Variants in VSNL1 observed in about 807,000 individuals in gnomAD.
VSNL1 encodes visinin like 1.
In VSNL1, 6 loss-of-function variants were observed where a neutral mutation model predicts 20.4. The observed-to-expected ratio is 0.29, with a 90% CI of 0.16 to 0.58. The LOEUF (loss-of-function observed/expected upper bound fraction) is 0.58. VSNL1 is among the 20% of genes least tolerant of loss of function. VSNL1 has a pLI of 0.90. For synonymous variants in VSNL1, 93 were observed against 86.4 expected (o/e 1.08, Z -0.42); for missense variants, 100 against 234.5 (o/e 0.43, Z 3.75).
chr2:17,608,024 C>T (rs1237098326), intron 2 of VSNL1, among the ~76,000 whole-genome samples: 1 of 152,196 alleles, frequency 6.6e-6, no homozygotes, highest in Admixed American at 6.5e-5. Context: ...TGTCAATGAA[C>T]TTCCTTAAAT....
rs547678722 is a variant in VSNL1 at position 17,556,035 on chromosome 2, C to T, written c.-6+15117C>T. 3.3e-5 allele frequency among the ~76,000 whole-genome samples: 5 copies of T among 152,262 alleles called. No individual in the cohort carries two copies. In the South Asian group the frequency reaches 1.0e-3, roughly 32 times the overall value. On this transcript the variant is annotated intron_variant, in intron 1 of 3. Coordinates refer to ENST00000295156, the MANE Select transcript of VSNL1 (RefSeq NM_003385.5). ...GATGGTATTTTGACCAAGCAGAATA[C>T]CTGCCTCATTTCTTTGCCTTTTAAA... is the stretch of plus-strand genomic sequence containing the variant.
At chr2:17,593,177 A>G (rs1449823488) in intron 2 of VSNL1, among the ~76,000 whole-genome samples, 2 of 152,176 alleles carry the variant, frequency 1.3e-5, no homozygotes, top group Admixed American at 1.3e-4. Context: ...ATTTTCTATA[A>G]CCTATGATCC....
intron 1 of VSNL1, among the ~76,000 whole-genome samples, chr2:17,580,309 T>G (rs770836976): frequency 4.6e-5 from 7 of 152,116 alleles, no homozygotes; most frequent in Non-Finnish European, 7.4e-5. Flanking sequence ...TGGGGAACAT[T>G]AACATCTCTG....
intron 3 of VSNL1, among the ~76,000 whole-genome samples, chr2:17,652,330 T>A (rs761129708): frequency 1.3e-5 from 2 of 152,084 alleles, no homozygotes; most frequent in Non-Finnish European, 2.9e-5. Flanking sequence ...AAGTGAGAAG[T>A]CCTGGAAGGG....
chr2:17,620,602 T>G (rs1665332240), intron 2 of VSNL1, among the ~76,000 whole-genome samples: 1 of 152,208 alleles, frequency 6.6e-6, no homozygotes, highest in Admixed American at 6.5e-5. Context: ...CACAGTAGAA[T>G]GCAGTCATCA....
intron 1 of VSNL1, among the ~76,000 whole-genome samples, chr2:17,544,368 ACCCATTCCAGGGTATT>A (rs1465731028): frequency 1.3e-5 from 2 of 152,154 alleles, no homozygotes; most frequent in African/African-American, 4.8e-5. Flanking sequence ...CTTGCAGAAT[ACCCATTCCAGGGTATT>A]CTGAACACCA....
At chr2:17,592,689 G>C (rs1317116071) in intron 2 of VSNL1, among the ~76,000 whole-genome samples, 1 of 94,956 alleles carries the variant, frequency 1.1e-5, no homozygotes, top group Middle Eastern at 0.012. Flanking sequence ...TACCAGAAAA[G>C]ATACTCCTGT....
Position 17,656,774 on chromosome 2 carries a change from C to A in VSNL1, c.*1380C>A, listed in dbSNP as rs142422072. On this transcript the variant is annotated 3_prime_UTR_variant, in exon 4 of 4. Coordinates refer to ENST00000295156, the MANE Select transcript of VSNL1 (RefSeq NM_003385.5). ...TGGGAAGGTCTACATCTGCACAGCACGCTAGCTATAACTGCACATATGGCT... is the reference window on the plus strand; with the variant it reads ...TGGGAAGGTCTACATCTGCACAGCAAGCTAGCTATAACTGCACATATGGCT... 2.0e-5 allele frequency: 3 copies of A among 152,290 alleles called. No individual in the cohort carries two copies. The highest frequency in any genetic ancestry group is 7.2e-5 in the African/African-American group (3 of 41,538). 9.4% of individuals were successfully genotyped at this position (152,290 alleles called of 1,614,324 possible). A position where few individuals can be genotyped will look rare whatever the true frequency, so the allele number is the denominator to read the frequency against.
rs531759418 is a variant in VSNL1 at position 17,597,174 on chromosome 2, C to T, written c.162+4938C>T. 3.3e-5 allele frequency among the ~76,000 whole-genome samples: 5 copies of T among 152,266 alleles called. No individual in the cohort carries two copies. In the South Asian group the frequency reaches 1.0e-3, roughly 32 times the overall value. On this transcript the variant is annotated intron_variant, in intron 2 of 3. Coordinates refer to ENST00000295156, the MANE Select transcript of VSNL1 (RefSeq NM_003385.5). ...AGGACATACTATGAGGCAGTGTCAT[C>T]CCTATTCCCATCCTGGATTCTTAGA...
chr2:17,561,132 T>C (rs1474592352), intron 1 of VSNL1, among the ~76,000 whole-genome samples: 1 of 152,164 alleles, frequency 6.6e-6, no homozygotes, highest in African/African-American at 2.4e-5. Flanking sequence ...GACTTCTTGA[T>C]AGAGCTTATG....
intron 1 of VSNL1, among the ~76,000 whole-genome samples, chr2:17,554,671 A>G (rs779255524): frequency 3.9e-5 from 6 of 152,144 alleles, no homozygotes; most frequent in Non-Finnish European, 5.9e-5. Context: ...ACTCTATATA[A>G]CAGCTCTTAA....
At chr2:17,542,533 TAAATGGATG>T (rs1663309365) in intron 1 of VSNL1, among the ~76,000 whole-genome samples, 1 of 152,220 alleles carries the variant, frequency 6.6e-6, no homozygotes, top group Non-Finnish European at 1.5e-5. Context: ...ATAATTTATT[TAAATGGATG>T]AAATTTGTAA....
chr2:17,549,703 T>C (rs1663482778), intron 1 of VSNL1, among the ~76,000 whole-genome samples: 2 of 152,262 alleles, frequency 1.3e-5, no homozygotes, highest in South Asian at 2.1e-4. Flanking sequence ...CTCTTCGATA[T>C]TCCCAGTGCT....
chr2:17,555,276 C>T (rs1663649076), intron 1 of VSNL1, among the ~76,000 whole-genome samples: 1 of 152,182 alleles, frequency 6.6e-6, no homozygotes, highest in African/African-American at 2.4e-5. Flanking sequence ...GGCTGCATTC[C>T]TTTCCGAACT....
intron 3 of VSNL1, among the ~76,000 whole-genome samples, chr2:17,652,137 T>C (rs1173704921): frequency 6.6e-6 from 1 of 152,162 alleles, no homozygotes; most frequent in African/African-American, 2.4e-5. Context: ...GTGATACTTA[T>C]TCAGGTATTT....
At chr2:17,615,163 G>T (rs1032519794) in intron 2 of VSNL1, among the ~76,000 whole-genome samples, 1 of 151,996 alleles carries the variant, frequency 6.6e-6, no homozygotes, top group Non-Finnish European at 1.5e-5. Context: ...AGAAAGATGT[G>T]CAGAATAATC....
chr2:17,598,123 T>A (rs1463732120), intron 2 of VSNL1, among the ~76,000 whole-genome samples: 2 of 152,196 alleles, frequency 1.3e-5, no homozygotes, highest in African/African-American at 4.8e-5. Flanking sequence ...TATGAAAACA[T>A]TCTGTAATTC....
chr2:17,597,717 C>CT (rs1204048228), intron 2 of VSNL1, among the ~76,000 whole-genome samples: 2 of 152,144 alleles, frequency 1.3e-5, no homozygotes, highest in Non-Finnish European at 2.9e-5. Context: ...TAAGAGCAGG[C>CT]TTATCCATTG....
chr2:17,553,498 A>G (rs1471687355), intron 1 of VSNL1, among the ~76,000 whole-genome samples: 3 of 152,210 alleles, frequency 2.0e-5, no homozygotes, highest in Admixed American at 1.3e-4. Context: ...AGGGCAATTA[A>G]TTTGATTCAG....
Sources: allele counts gnomAD v4.1 joint callset (sites outside exome capture counted in the v4.1 genomes callset), GRCh38; gene constraint gnomAD v4.1.1; transcripts MANE v1.5; gene names NCBI Gene and HGNC (gene_info 2026-07-23, HGNC 2026-07-21).